AQR: variants seen among roughly 807,000 people sequenced by gnomAD.
AQR encodes the protein RNA helicase aquarius.
AQR carries 61 observed loss-of-function variants against 180.5 expected under a neutral mutation model. That is an observed-to-expected ratio of 0.34 (90% CI 0.28 to 0.42). The LOEUF (loss-of-function observed/expected upper bound fraction) is 0.42. Ranked by LOEUF, AQR falls within the 10% of genes least tolerant of loss-of-function variation. The probability of loss-of-function intolerance (pLI) is 1.00; values close to 1 mark genes in which losing one functional copy is unlikely to be tolerated. For synonymous variants in AQR, 551 were observed against 588.8 expected, an observed-to-expected ratio of 0.94 and a Z score of 0.93; for missense variants, 1,281 against 1,798.3, an observed-to-expected ratio of 0.71 and a Z score of 5.20.
At chr15:34,925,374 C>T (rs553542245) in intron 13 of AQR, among the ~76,000 whole-genome samples, 6 of 152,262 alleles carry the variant, frequency 3.9e-5, no homozygotes, top group Non-Finnish European at 7.4e-5. Flanking sequence ...AATCCTCATA[C>T]GCTGTTAGTT....
intron 6 of AQR, chr15:34,943,377 G>A (rs181838246): frequency 3.5e-6 from 5 of 1,414,940 alleles, no homozygotes; most frequent in East Asian, 4.6e-5. Context: ...GAAGAGAAAG[G>A]GCCAAGTGAT....
At chr15:34,858,623 G>C (rs1053777468) in intron 34 of AQR, among the ~76,000 whole-genome samples, 2 of 152,124 alleles carry the variant, frequency 1.3e-5, no homozygotes, top group Non-Finnish European at 2.9e-5. Flanking sequence ...AAAGGAACTG[G>C]GATAGCTAAG....
chr15:34,948,408 A>G (rs751992343), intron 4 of AQR, 24 bp from the exon 5 acceptor site: 1 of 1,607,278 alleles, frequency 6.2e-7, no homozygotes, highest in Admixed American at 1.7e-5. Context: ...AAAGCATAGA[A>G]TACTTCATTA....
chr15:34,874,681 C>T lies in AQR; in HGVS notation c.3421G>A (p.Ala1141Thr), dbSNP rs1450779131. ...VDLDAQGRAR[A>T]SLCNLYNWRY... is the part of the protein sequence containing the mutation. The stretch of plus-strand genomic sequence containing the variant: ...TTTTTTTCCTGTCTCTTTTACCTTG[C>T]TCTGGCTCTCCCTTGAGCATCAAGG... The change falls in exon 29 of 35, where the codon GCA (alanine) becomes ACA (threonine). Residue 1141 changes from alanine to threonine, a missense_variant. Ala to Thr is a moderately conservative substitution (Grantham distance 58, BLOSUM62 0). Transcript: ENST00000156471. 2 of 1,613,048 alleles carry T rather than the reference C, an allele frequency of 1.2e-6. No individual in the cohort carries two copies. The highest frequency in any genetic ancestry group is 1.7e-4 in the Middle Eastern group (1 of 6,050).
At chr15:34,884,395 G>T in intron 26 of AQR, 130 bp downstream of exon 26, 2 of 795,192 alleles carry the variant, frequency 2.5e-6, no homozygotes, top group South Asian at 3.7e-5. Flanking sequence ...AACAGGGCAA[G>T]ACTCCGTCTC....
intron 10 of AQR, among the ~76,000 whole-genome samples, chr15:34,934,131 AAAAGAAAAGAAAAGAAGAAAAGG>A (rs1212975294): frequency 2.0e-5 from 3 of 151,906 alleles, no homozygotes; most frequent in African/African-American, 7.3e-5. Flanking sequence ...CATCTCAAAG[AAAAGAAAAGAAAAGAAGAAAAGG>A]AAAGAAAAGA....
chr15:34,943,477 A>AAATG, intron 6 of AQR: 1 of 503,276 alleles, frequency 2.0e-6, no homozygotes, highest in Non-Finnish European at 3.1e-6. Context: ...ATAAATAAAT[A>AAATG]AATAAAAATA....
At chr15:34,898,139 C>T (rs763164693) in intron 20 of AQR, among the ~76,000 whole-genome samples, 8 of 152,078 alleles carry the variant, frequency 5.3e-5, no homozygotes, top group Non-Finnish European at 1.0e-4. Flanking sequence ...CAGCGTATTT[C>T]GCCTGGGCAT....
Position 34,904,333 on chromosome 15 carries a change from T to C in AQR, c.2001+3A>G. On this transcript the variant is annotated splice_donor_region_variant and intron_variant, in intron 19 of 34. Coordinates refer to ENST00000156471, the MANE Select transcript of AQR (RefSeq NM_014691.3). Reference sequence around the variant, plus strand: ...TACTTTTAGTTACATACCCCCAAATTACCTTAAAGTTATTTTCCTTTGGTT... The same window carrying C: ...TACTTTTAGTTACATACCCCCAAATCACCTTAAAGTTATTTTCCTTTGGTT... 1 of 1,569,986 alleles carries C rather than the reference T, an allele frequency of 6.4e-7. No individual in the cohort carries two copies. The highest frequency in any genetic ancestry group is 8.6e-7 in the Non-Finnish European group (1 of 1,157,096).
At chr15:34,914,887 T>C (rs1196750074) in intron 16 of AQR, 151 bp downstream of exon 16, 2 of 828,322 alleles carry the variant, frequency 2.4e-6, no homozygotes, top group Admixed American at 6.9e-5. Flanking sequence ...TTAATTCACA[T>C]TTAAAAATGT....
intron 11 of AQR, among the ~76,000 whole-genome samples, chr15:34,931,089 G>C (rs1893852664): frequency 6.6e-6 from 1 of 152,124 alleles, no homozygotes. Context: ...GCCGGCCTCG[G>C]CCTCCCAAAG....
intron 20 of AQR, 102 bp from the exon 21 acceptor site, chr15:34,897,807 A>G: frequency 7.7e-7 from 1 of 1,295,038 alleles, no homozygotes; most frequent in South Asian, 1.4e-5. Flanking sequence ...AGGAGTAAGA[A>G]ACATTTCTGG....
intron 11 of AQR, 62 bp from the exon 12 acceptor site, chr15:34,930,433 G>T: frequency 1.1e-6 from 1 of 924,310 alleles, no homozygotes; most frequent in Non-Finnish European, 1.7e-6. Context: ...GCACAATACT[G>T]TTTAAAATAA....
chr15:34,923,394 GT>G (rs896320315), intron 13 of AQR, among the ~76,000 whole-genome samples: 1 of 152,056 alleles, frequency 6.6e-6, no homozygotes, highest in African/African-American at 2.4e-5. Context: ...GCTGTAGCGT[GT>G]TTTTTAATTC....
chr15:34,960,027 T>C (rs2050265407), intron 3 of AQR, among the ~76,000 whole-genome samples: 1 of 152,222 alleles, frequency 6.6e-6, no homozygotes, highest in Non-Finnish European at 1.5e-5. Context: ...AATACCACTG[T>C]GCTTACAACT....
At position 34,940,879 on chromosome 15, in the gene AQR, A is replaced by G; in HGVS notation, c.641+20T>C. 1 of 1,557,922 alleles carries G rather than the reference A, an allele frequency of 6.4e-7. No homozygotes were observed. Among genetic ancestry groups the G allele is most frequent in the Non-Finnish European group, 8.8e-7 (1 of 1,133,970 alleles). Reference sequence around the variant, plus strand: ...ATCCAGCATAATAAGCCAACATGAAATGAAGCTCTGCCAACATACTGTTCT... The same window carrying G: ...ATCCAGCATAATAAGCCAACATGAAGTGAAGCTCTGCCAACATACTGTTCT... On this transcript the variant is annotated intron_variant, in intron 8 of 34. Coordinates refer to ENST00000156471, the MANE Select transcript of AQR (RefSeq NM_014691.3).
chr15:34,956,634 T>C (rs1262768726), intron 3 of AQR, among the ~76,000 whole-genome samples: 2 of 126,740 alleles, frequency 1.6e-5, no homozygotes, highest in African/African-American at 6.0e-5. Flanking sequence ...CCTGGGGCAA[T>C]AAGGGTGAAA....
intron 30 of AQR, among the ~76,000 whole-genome samples, chr15:34,873,277 A>G (rs996851622): frequency 6.6e-6 from 1 of 152,104 alleles, no homozygotes; most frequent in Admixed American, 6.5e-5. Flanking sequence ...CATGCTGACA[A>G]TTTGTCCACC....
At chr15:34,934,245 AT>A (rs1348077244) in intron 10 of AQR, among the ~76,000 whole-genome samples, 1 of 149,832 alleles carries the variant, frequency 6.7e-6, no homozygotes, top group Non-Finnish European at 1.5e-5. Flanking sequence ...TTTTTTATTA[AT>A]GTATAATCTA....
Sources: allele counts gnomAD v4.1 joint callset (sites outside exome capture counted in the v4.1 genomes callset), GRCh38; gene constraint gnomAD v4.1.1; transcripts MANE v1.5; gene names NCBI Gene and HGNC (gene_info 2026-07-23, HGNC 2026-07-21).